The following YEATS4 variants were observed in gnomAD, a reference collection of about 807,000 sequenced individuals.
YEATS4 encodes the protein YEATS domain containing 4.
A neutral mutation model predicts 30.1 loss-of-function variants in YEATS4; 17 were observed. That is an observed-to-expected ratio of 0.56 (90% confidence interval 0.39 to 0.85). YEATS4 has a LOEUF of 0.85. YEATS4 is among the 40% of genes least tolerant of loss of function. The pLI, the probability that YEATS4 is intolerant of heterozygous loss-of-function variation, is 0.00. For synonymous variants in YEATS4, 85 were observed against 87.5 expected (o/e 0.97, Z 0.16); for missense variants, 142 against 268.3 (o/e 0.53, Z 3.29).
At chr12:69,423,222 C>T in the YEATS4 span, among the ~76,000 whole-genome samples, 1 of 152,138 alleles carries the variant, frequency 6.6e-6, no homozygotes, top group Non-Finnish European at 1.5e-5. Flanking sequence ...TGAAAGCACA[C>T]AACCATAGGG....
chr12:69,394,617 G>GTT (rs1565684922), downstream of YEATS4, among the ~76,000 whole-genome samples: 8 of 151,440 alleles, frequency 5.3e-5, no homozygotes, highest in African/African-American at 2.0e-4. Flanking sequence ...TGGAGATAGT[G>GTT]TGTTTGTTTG....
At chr12:69,374,091 CTT>C (rs1314475282) in intron 6 of YEATS4, among the ~76,000 whole-genome samples, 1 of 149,570 alleles carries the variant, frequency 6.7e-6, no homozygotes, top group Admixed American at 6.7e-5. Flanking sequence ...CGGAGGATAA[CTT>C]AGGCTATTCT....
chr12:69,379,208 T>A (rs971718843), intron 6 of YEATS4, among the ~76,000 whole-genome samples: 2 of 152,214 alleles, frequency 1.3e-5, no homozygotes, highest in African/African-American at 4.8e-5. Context: ...CCTTGAGATT[T>A]ATGAGTTTGA....
chr12:69,385,078 C>T (rs536085441), intron 6 of YEATS4, among the ~76,000 whole-genome samples: 1 of 152,124 alleles, frequency 6.6e-6, no homozygotes, highest in African/African-American at 2.4e-5. Flanking sequence ...GTGTCATGAT[C>T]GTAGCTCACT....
intron 2 of YEATS4, among the ~76,000 whole-genome samples, chr12:69,364,740 C>T (rs1357401634): frequency 1.3e-5 from 2 of 152,124 alleles, no homozygotes; most frequent in African/African-American, 2.4e-5. Context: ...CTGCCTCAGC[C>T]TCCTGAGTAG....
the YEATS4 span, among the ~76,000 whole-genome samples, chr12:69,425,981 C>T: frequency 6.6e-6 from 1 of 152,190 alleles, no homozygotes; most frequent in Admixed American, 6.5e-5. Context: ...TGGTGGTTCA[C>T]CCCAGCATTT....
rs1875111503 is a variant in YEATS4 at position 69,359,879 on chromosome 12, C to A, written c.-94C>A. 3 of 1,510,736 alleles carry A rather than the reference C, an allele frequency of 2.0e-6. No homozygotes were observed. In the African/African-American group the frequency reaches 4.2e-5, roughly 21 times the overall value. 93.6% of individuals were successfully genotyped at this position (1,510,736 alleles called of 1,614,324 possible). On this transcript the variant is annotated 5_prime_UTR_variant, in exon 1 of 7. Transcript: ENST00000247843. The stretch of plus-strand genomic sequence containing the variant: ...TTCGGCTAGAAACCCTCCGCCTGGG[C>A]CCGCGCGACAGGAGCGCGGTCTCTG...
At chr12:69,379,001 C>T (rs752062474) in intron 6 of YEATS4, among the ~76,000 whole-genome samples, 5 of 152,134 alleles carry the variant, frequency 3.3e-5, no homozygotes, top group East Asian at 1.9e-4. Flanking sequence ...TCTCCATGTT[C>T]GAAGGCTATT....
chr12:69,379,385 A>G (rs1210775591), intron 6 of YEATS4, among the ~76,000 whole-genome samples: 1 of 151,624 alleles, frequency 6.6e-6, no homozygotes, highest in Non-Finnish European at 1.5e-5. Context: ...TCTTTAATTA[A>G]GGTCAATAAC....
chr12:69,362,023 T>TTTTTTGTTTTTTG (rs1555174261), intron 1 of YEATS4, among the ~76,000 whole-genome samples: 1 of 143,320 alleles, frequency 7.0e-6, no homozygotes, highest in African/African-American at 2.6e-5. Flanking sequence ...GTTTTTTTTT[T>TTTTTTGTTTTTTG]TTTTTTTTTT....
At chr12:69,415,484 C>A in the YEATS4 span, among the ~76,000 whole-genome samples, 1 of 152,054 alleles carries the variant, frequency 6.6e-6, no homozygotes, top group Non-Finnish European at 1.5e-5. Flanking sequence ...TCTCTTGAAC[C>A]CAGGAGGCAG....
chr12:69,403,587 A>AG, the YEATS4 span, among the ~76,000 whole-genome samples: 2 of 151,946 alleles, frequency 1.3e-5, no homozygotes, highest in Non-Finnish European at 2.9e-5. Flanking sequence ...AAAAAAAAAA[A>AG]AAAAGAAAAA....
rs1478564657 is a variant in YEATS4, at chr12:69,390,656, A to G, written c.*340A>G. 6.4e-6 allele frequency: 1 copy of G among 156,124 alleles called. No individual in the cohort carries two copies. Among genetic ancestry groups the G allele is most frequent in the Non-Finnish European group, 1.4e-5 (1 of 70,480 alleles). 9.7% of individuals were successfully genotyped at this position (156,124 alleles called of 1,614,324 possible). A position where few individuals can be genotyped will look rare whatever the true frequency, so the allele number is the denominator to read the frequency against. ...TCATTATAAAGTATTACTTGTACAA[A>G]TTTTGTACTTCTTTAGTGGCTAGAA... On this transcript the variant is annotated 3_prime_UTR_variant, in exon 7 of 7. Transcript: ENST00000247843.
At chr12:69,400,130 T>TA in the YEATS4 span, among the ~76,000 whole-genome samples, 31 of 144,408 alleles carry the variant, frequency 2.1e-4, no homozygotes, top group Middle Eastern at 3.6e-3. Flanking sequence ...ATATCTCAAT[T>TA]AAAAAAAAAA....
At chr12:69,372,073 T>C (rs929593608) in intron 6 of YEATS4, among the ~76,000 whole-genome samples, 1 of 152,130 alleles carries the variant, frequency 6.6e-6, no homozygotes, top group African/African-American at 2.4e-5. Context: ...GAGAAGTTAA[T>C]AGGGGACTAG....
the YEATS4 span, among the ~76,000 whole-genome samples, chr12:69,423,707 T>C: frequency 6.6e-6 from 1 of 152,184 alleles, no homozygotes; most frequent in Non-Finnish European, 1.5e-5. Context: ...GGCATAACAG[T>C]GACATCATCA....
chr12:69,360,715 G>T (rs1215468797), intron 1 of YEATS4, among the ~76,000 whole-genome samples: 2 of 151,102 alleles, frequency 1.3e-5, no homozygotes, highest in Non-Finnish European at 3.0e-5. Flanking sequence ...GCCCAGGCTG[G>T]AGCGCAATGG....
chr12:69,367,121 T>C (rs182369000), intron 4 of YEATS4, among the ~76,000 whole-genome samples: 23 of 152,356 alleles, frequency 1.5e-4, no homozygotes, highest in Admixed American at 1.4e-3. Context: ...GAGAATTAAC[T>C]TATGTCACTA....
chr12:69,410,269 C>T, the YEATS4 span, among the ~76,000 whole-genome samples: 3 of 152,222 alleles, frequency 2.0e-5, no homozygotes, highest in Non-Finnish European at 4.4e-5. Context: ...CCACTTTCAG[C>T]TCCAGGCAAC....
Sources: gnomAD v4.1 joint callset for allele counts (sites outside exome capture counted in the v4.1 genomes callset) on GRCh38, gnomAD v4.1.1 for gene constraint, MANE v1.5 for transcripts, NCBI Gene and HGNC (gene_info 2026-07-23, HGNC 2026-07-21) for gene names.